The following MTF2 variants were observed in gnomAD, a reference collection of about 807,000 sequenced individuals.
The protein encoded by MTF2 is metal response element binding transcription factor 2, also known as metal-response element-binding transcription factor 2.
Under a neutral mutation model 79.5 loss-of-function variants are expected in MTF2, and 11 were observed. That is an observed-to-expected ratio of 0.14 (90% CI 0.09 to 0.23). The LOEUF (loss-of-function observed/expected upper bound fraction) is 0.23. Ranked by LOEUF, MTF2 falls within the 10% of genes least tolerant of loss-of-function variation. MTF2 has a pLI of 1.00. For synonymous variants in MTF2, 208 were observed against 232.8 expected, an observed-to-expected ratio of 0.89 and a Z score of 0.97; for missense variants, 486 against 711.2, an observed-to-expected ratio of 0.68 and a Z score of 3.60.
intron 1 of MTF2, among the ~76,000 whole-genome samples, chr1:93,103,534 A>G (rs1557547780): frequency 2.6e-5 from 4 of 152,046 alleles, no homozygotes; most frequent in Admixed American, 2.6e-4. Context: ...AAACATTTAT[A>G]TGAATTATAA....
intron 2 of MTF2, 57 bp downstream of exon 2, chr1:93,110,485 AATT>A (rs1655984018): frequency 1.2e-6 from 2 of 1,604,522 alleles, no homozygotes; most frequent in South Asian, 2.2e-5. Flanking sequence ...AATAATCTTA[AATT>A]TAACTTCATG....
chr1:93,104,740 A>T (rs1422585837), intron 1 of MTF2, among the ~76,000 whole-genome samples: 2 of 152,060 alleles, frequency 1.3e-5, no homozygotes, highest in East Asian at 3.9e-4. Context: ...TTGGTTAGAT[A>T]AAAAAATTAA....
chr1:93,101,569 T>TTTTTTTTTG (rs1655538495), intron 1 of MTF2, among the ~76,000 whole-genome samples: 1 of 39,536 alleles, frequency 2.5e-5, no homozygotes, highest in Non-Finnish European at 4.7e-5. Flanking sequence ...CTCAGGCTGG[T>TTTTTTTTTG]TTTTTTTTTT....
Position 93,118,331 on chromosome 1 carries a change from G to GTT in MTF2, c.633-7_633-6dup. ...CAGGAATTTTAGTGTTAACTTTTTTGTTTTTTTTAATAGCTGGTATTTGAA... is the reference window on the plus strand; with the variant it reads ...CAGGAATTTTAGTGTTAACTTTTTTGTTTTTTTTTTAATAGCTGGTATTTGAA... On this transcript the variant is annotated splice_polypyrimidine_tract_variant and intron_variant, in intron 6 of 14. Coordinates refer to ENST00000370298, the MANE Select transcript of MTF2 (RefSeq NM_007358.4). 1.6e-6 allele frequency: 2 copies of GTT among 1,272,264 alleles called. No homozygotes were observed. Among genetic ancestry groups the GTT allele is most frequent in the Admixed American group, 2.6e-5 (1 of 38,690 alleles). The allele number at this position is 1,272,264 out of a possible 1,614,324, so 78.8% of individuals were successfully genotyped here. A position where few individuals can be genotyped will look rare whatever the true frequency, so the allele number is the denominator to read the frequency against.
At chr1:93,101,515 A>G (rs1267813682) in intron 1 of MTF2, among the ~76,000 whole-genome samples, 1 of 143,964 alleles carries the variant, frequency 6.9e-6, no homozygotes, top group Admixed American at 7.0e-5. Flanking sequence ...ACACTTGGCA[A>G]ATTTTTTAAA....
intron 11 of MTF2, among the ~76,000 whole-genome samples, chr1:93,131,487 C>T (rs894143751): frequency 3.9e-5 from 6 of 151,938 alleles, no homozygotes; most frequent in African/African-American, 9.7e-5. Context: ...GCTTCTCCTG[C>T]GTATCAGGGA....
chr1:93,094,179 T>C (rs1655187888), intron 1 of MTF2, among the ~76,000 whole-genome samples: 1 of 152,156 alleles, frequency 6.6e-6, no homozygotes, highest in South Asian at 2.1e-4. Context: ...ACTTTGATAA[T>C]TTTTTCTCCA....
intron 1 of MTF2, among the ~76,000 whole-genome samples, chr1:93,088,634 C>T (rs1226624511): frequency 1.3e-5 from 2 of 152,138 alleles, no homozygotes; most frequent in Admixed American, 1.3e-4. Context: ...GGTGCGATCT[C>T]GGCTCACTGC....
chr1:93,114,641 T>A, intron 3 of MTF2, 47 bp from the exon 4 acceptor site: 1 of 1,476,248 alleles, frequency 6.8e-7, no homozygotes, highest in Non-Finnish European at 9.3e-7. Flanking sequence ...TTTTGTTTTA[T>A]GGAATTTTTT....
chr1:93,082,673 T>C (rs1654655783), intron 1 of MTF2, among the ~76,000 whole-genome samples: 1 of 152,134 alleles, frequency 6.6e-6, no homozygotes, highest in Non-Finnish European at 1.5e-5. Context: ...TGTTAATAAG[T>C]TTTATTGAGA....
At chr1:93,112,848 A>T (rs1015598516) in intron 3 of MTF2, among the ~76,000 whole-genome samples, 1 of 152,218 alleles carries the variant, frequency 6.6e-6, no homozygotes, top group East Asian at 1.9e-4. Context: ...GTTAATTCCC[A>T]GCTTTCTCAG....
intron 1 of MTF2, among the ~76,000 whole-genome samples, chr1:93,094,523 CTT>C (rs1655203281): frequency 6.6e-6 from 1 of 152,032 alleles, no homozygotes; most frequent in Non-Finnish European, 1.5e-5. Flanking sequence ...GATCTTGCCT[CTT>C]TTTTTCTGTG....
rs756684732 is a variant in MTF2 at position 93,110,266 on chromosome 1, G to A, written c.42G>A (p.Lys14=). 7.4e-5 allele frequency: 119 copies of A among 1,613,950 alleles called. 1 individual carries two copies. Among genetic ancestry groups the A allele is most frequent in the South Asian group, 6.4e-4 (58 of 91,072 alleles). The part of the protein sequence containing the change: ...STGAGNSLVH[K]RSPLRRNQKT... ...GGGCAGGTAATTCACTGGTCCACAAGCGGTCTCCTTTACGTCGAAACCAAA... is the reference window on the plus strand; with the variant it reads ...GGGCAGGTAATTCACTGGTCCACAAACGGTCTCCTTTACGTCGAAACCAAA... Residue 14 remains lysine (K), a synonymous_variant, in exon 2 of 15, where the codon AAG becomes AAA. Coordinates refer to ENST00000370298, the MANE Select transcript of MTF2 (RefSeq NM_007358.4).
chr1:93,135,276 C>T (rs2101101127), intron 14 of MTF2, among the ~76,000 whole-genome samples: 1 of 152,254 alleles, frequency 6.6e-6, no homozygotes, highest in South Asian at 2.1e-4. Context: ...CTGGCCAGGA[C>T]AACTTTTCTC....
intron 1 of MTF2, among the ~76,000 whole-genome samples, chr1:93,096,928 A>G (rs958163695): frequency 2.0e-5 from 3 of 149,058 alleles, no homozygotes; most frequent in African/African-American, 5.0e-5. Context: ...CTCCTGCCTC[A>G]GCCTCCTGAG....
chr1:93,121,477 C>G, intron 9 of MTF2: 1 of 981,320 alleles, frequency 1.0e-6, no homozygotes, highest in Non-Finnish European at 1.2e-6. Flanking sequence ...AAAAATTTTG[C>G]ACACTGATTT....
rs543294664 is a variant in MTF2 at position 93,116,899 on chromosome 1, G to A, written c.632+1281G>A. On this transcript the variant is annotated intron_variant, in intron 6 of 14. Coordinates refer to ENST00000370298, the MANE Select transcript of MTF2 (RefSeq NM_007358.4). The stretch of plus-strand genomic sequence containing the variant: ...AGGGATGGGGACTGGCTGGTTGATA[G>A]TAGTCAGAACACATGCAACATTTAG... Among the ~76,000 whole-genome samples the A allele has an allele frequency of 2.6e-5, 4 of 152,310 alleles. No homozygotes were observed. In the South Asian group the frequency reaches 8.3e-4, roughly 32 times the overall value.
In MTF2 at chr1:93,114,659, T is replaced by C. The variant is rs567255173; in HGVS notation, c.287-29T>C. The C allele has an allele frequency of 5.8e-6, 9 of 1,546,380 alleles. No homozygotes were observed. In the African/African-American group the frequency reaches 1.3e-4, roughly 21 times the overall value. ...TGTTTTATGGAATTTTTTATGACTC[T>C]CTTTTTTAATGTGTTTTAAATATTT... On this transcript the variant is annotated intron_variant, in intron 3 of 14. Transcript: ENST00000370298.
chr1:93,115,477 G>A lies in MTF2; in HGVS notation c.491G>A (p.Gly164Asp). Reference protein sequence around the residue: ...CVFATTTKRGGALKKGPNAKA... With the variant: ...CVFATTTKRGDALKKGPNAKA... ...TTTTTCCCTCTAATGTAGAGGGGTG[G>A]TGCACTTAAGAAAGGACCAAATGCC... Residue 164 changes from glycine (G) to aspartate (D), a missense_variant, in exon 6 of 15, where the codon GGT (glycine) becomes GAT (aspartate). Transcript: ENST00000370298. The A allele has an allele frequency of 6.3e-7, 1 of 1,595,700 alleles. No individual in the cohort carries two copies. The highest frequency in any genetic ancestry group is 1.1e-5 in the South Asian group (1 of 87,840).
Sources: gnomAD v4.1 joint callset for allele counts (sites outside exome capture counted in the v4.1 genomes callset) on GRCh38, gnomAD v4.1.1 for gene constraint, MANE v1.5 for transcripts, NCBI Gene and HGNC (gene_info 2026-07-23, HGNC 2026-07-21) for gene names.